FGGY: variants seen among roughly 807,000 people sequenced by gnomAD.
FGGY encodes the protein FGGY carbohydrate kinase domain-containing protein.
A neutral mutation model predicts 71.3 loss-of-function variants in FGGY; 72 were observed. The observed-to-expected ratio is 1.01, with a 90% CI of 0.84 to 1.23. The LOEUF is 1.23. Among genes scored for constraint, FGGY ranks in the 50% most tolerant of loss-of-function variants. FGGY has a pLI of 0.00. For missense variants in FGGY, 668 were observed against 682.3 expected (o/e 0.98, Z 0.23); for synonymous variants, 251 against 250.3 (o/e 1.00, Z -0.02).
chr1:59,457,380 C>G (rs1160942562), intron 6 of FGGY, among the ~76,000 whole-genome samples: 1 of 152,164 alleles, frequency 6.6e-6, no homozygotes, highest in African/African-American at 2.4e-5. Flanking sequence ...GGAACTGAGG[C>G]AGGCAGATTG....
chr1:59,762,424 C>A, intron 15 of FGGY, 79 bp from the exon 16 acceptor site: 1 of 1,061,434 alleles, frequency 9.4e-7, no homozygotes, highest in Non-Finnish European at 1.4e-6. Context: ...ACATATATTT[C>A]CATTCTTCTA....
intron 8 of FGGY, among the ~76,000 whole-genome samples, chr1:59,563,646 C>T (rs1558363992): frequency 1.3e-5 from 2 of 152,142 alleles, no homozygotes; most frequent in African/African-American, 4.8e-5. Context: ...ATGCTATTCC[C>T]ATCAAACTAC....
intron 8 of FGGY, among the ~76,000 whole-genome samples, chr1:59,605,179 T>C (rs1412058569): frequency 6.6e-6 from 1 of 152,222 alleles, no homozygotes; most frequent in Non-Finnish European, 1.5e-5. Flanking sequence ...GGTACCTCCC[T>C]TGTGTGCTCT....
intron 6 of FGGY, among the ~76,000 whole-genome samples, chr1:59,505,044 C>T (rs993941859): frequency 6.6e-6 from 1 of 152,098 alleles, no homozygotes; most frequent in Non-Finnish European, 1.5e-5. Flanking sequence ...AAAAATAAAA[C>T]ACAACGTAAG....
chr1:59,467,392 A>G (rs954522172), intron 6 of FGGY, among the ~76,000 whole-genome samples: 1 of 152,084 alleles, frequency 6.6e-6, no homozygotes, highest in Non-Finnish European at 1.5e-5. Flanking sequence ...ATAAATATCT[A>G]ATGTAAATGA....
intron 6 of FGGY, among the ~76,000 whole-genome samples, chr1:59,495,596 A>C (rs1442987086): frequency 6.6e-6 from 1 of 151,812 alleles, no homozygotes; most frequent in Non-Finnish European, 1.5e-5. Context: ...GTTTTCTTCT[A>C]GGGTTTTTAT....
intron 7 of FGGY, among the ~76,000 whole-genome samples, chr1:59,533,526 G>A (rs1302544531): frequency 6.6e-6 from 1 of 151,882 alleles, no homozygotes; most frequent in African/African-American, 2.4e-5. Flanking sequence ...GCCTGCCTCT[G>A]TAGGCTCCAC....
At chr1:59,396,561 G>A (rs776210886) in intron 5 of FGGY, among the ~76,000 whole-genome samples, 1 of 152,104 alleles carries the variant, frequency 6.6e-6, no homozygotes, top group Non-Finnish European at 1.5e-5. Flanking sequence ...ATCAGTGAGT[G>A]GGGAATCAAA....
At chr1:59,423,740 A>G (rs752161478) in intron 5 of FGGY, among the ~76,000 whole-genome samples, 6 of 152,144 alleles carry the variant, frequency 3.9e-5, no homozygotes, top group Admixed American at 2.0e-4. Context: ...CTGGCAGGTC[A>G]TACTACCGTG....
intron 4 of FGGY, among the ~76,000 whole-genome samples, chr1:59,375,250 C>G (rs1298541391): frequency 7.4e-6 from 1 of 135,326 alleles, no homozygotes; most frequent in Admixed American, 7.8e-5. Context: ...TAGAGTGAGA[C>G]TCCATCTCAA....
rs971584136 is a variant in FGGY, at chr1:59,330,608, C to G, written c.201+8858C>G. 3.3e-5 allele frequency among the ~76,000 whole-genome samples: 5 copies of G among 151,870 alleles called. No individual in the cohort carries two copies. The East Asian group carries it at 9.6e-4, about 29-fold the overall frequency. ...GAAAAGAAAAGAAATGGAGACCTCC[C>G]TACTTCTACCCACTGGAGAAAACTT... On this transcript the variant is annotated intron_variant, in intron 2 of 15. Transcript: ENST00000303721.
At chr1:59,694,882 T>C (rs1334215766) in intron 14 of FGGY, among the ~76,000 whole-genome samples, 3 of 152,174 alleles carry the variant, frequency 2.0e-5, no homozygotes, top group Non-Finnish European at 1.5e-5. Flanking sequence ...TAAACATGCA[T>C]TGTGAATCTC....
chr1:59,757,572 C>G lies in FGGY; in HGVS notation c.1513-359C>G, dbSNP rs1426009984. 2.6e-5 allele frequency among the ~76,000 whole-genome samples: 4 copies of G among 152,216 alleles called. 1 individual carries two copies. In the South Asian group the frequency reaches 8.3e-4, roughly 32 times the overall value. ...ATGTACTCAGCGGCTGGTTATGTTC[C>G]CTGCTTCTGCCCTGTGTCCAGATAG... On this transcript the variant is annotated intron_variant, in intron 14 of 15. Transcript: ENST00000303721.
chr1:59,409,412 A>G (rs192367400), intron 5 of FGGY, among the ~76,000 whole-genome samples: 1 of 152,212 alleles, frequency 6.6e-6, no homozygotes, highest in Admixed American at 6.5e-5. Flanking sequence ...TCAGCCTTGA[A>G]TGTTCAGCCA....
At chr1:59,341,509 A>AG (rs1164633755) in intron 3 of FGGY, among the ~76,000 whole-genome samples, 9 of 152,236 alleles carry the variant, frequency 5.9e-5, no homozygotes. Context: ...TTTTCTGCAC[A>AG]GACACACACA....
chr1:59,702,338 T>G (rs1430034909), intron 14 of FGGY, among the ~76,000 whole-genome samples: 1 of 152,184 alleles, frequency 6.6e-6, no homozygotes, highest in Non-Finnish European at 1.5e-5. Context: ...ATTATTTCCA[T>G]GTAGGCAGAC....
chr1:59,327,030 C>G (rs751501820), intron 2 of FGGY, among the ~76,000 whole-genome samples: 3 of 152,136 alleles, frequency 2.0e-5, no homozygotes, highest in Non-Finnish European at 4.4e-5. Flanking sequence ...AGTCTTTTTC[C>G]TGGTGGAGGG....
chr1:59,362,302 T>A (rs1167074156), intron 4 of FGGY, among the ~76,000 whole-genome samples: 4 of 152,144 alleles, frequency 2.6e-5, no homozygotes, highest in African/African-American at 9.7e-5. Flanking sequence ...TCCCTCTGTG[T>A]CAGAAATGTA....
At chr1:59,399,865 C>T (rs981472005) in intron 5 of FGGY, among the ~76,000 whole-genome samples, 4 of 152,138 alleles carry the variant, frequency 2.6e-5, no homozygotes, top group African/African-American at 9.7e-5. Flanking sequence ...CCATTCTGTT[C>T]AGTCTAGAAG....
Sources: gnomAD v4.1 joint callset for allele counts (sites outside exome capture counted in the v4.1 genomes callset) on GRCh38, gnomAD v4.1.1 for gene constraint, MANE v1.5 for transcripts, NCBI Gene and HGNC (gene_info 2026-07-23, HGNC 2026-07-21) for gene names.